CHST4: variants seen among roughly 807,000 people sequenced by gnomAD.
CHST4 encodes the protein carbohydrate sulfotransferase 4.
For missense variants in CHST4, 466 were observed against 506.0 expected, an observed-to-expected ratio of 0.92 and a Z score of 0.76; for synonymous variants, 171 against 195.5, an observed-to-expected ratio of 0.87 and a Z score of 1.05.
At chr16:71,534,493 G>T (rs1218370452) in intron 1 of CHST4, among the ~76,000 whole-genome samples, 2 of 151,820 alleles carry the variant, frequency 1.3e-5, no homozygotes, top group Non-Finnish European at 2.9e-5. Flanking sequence ...ACGTAGCTGG[G>T]ATTACAGGCA....
At chr16:71,532,791 C>T (rs964066919) in intron 1 of CHST4, among the ~76,000 whole-genome samples, 7 of 152,152 alleles carry the variant, frequency 4.6e-5, no homozygotes, top group South Asian at 2.1e-4. Flanking sequence ...ACATGTGTGA[C>T]GGTGTGTGAA....
intron 1 of CHST4, among the ~76,000 whole-genome samples, chr16:71,530,764 AC>A (rs1449458174): frequency 5.4e-5 from 8 of 146,936 alleles, no homozygotes; most frequent in Admixed American, 4.2e-4. Context: ...ACAGAGTGAG[AC>A]CCCCGACTCT....
rs1250825740 is a variant in CHST4 at position 71,537,026 on chromosome 16, C to A, written c.349C>A (p.Pro117Thr). ...SVFDAYMEPGPRRQSSLFQWE... is the reference protein window; with the variant it reads ...SVFDAYMEPGTRRQSSLFQWE... ...CTTTGATGCCTACATGGAACCTGGT[C>A]CCCGGAGACAGTCCAGCCTCTTTCA... is the stretch of plus-strand genomic sequence containing the variant. Residue 117 changes from proline to threonine, a missense_variant, in exon 2 of 2, where the codon CCC (proline) becomes ACC (threonine). Transcript: ENST00000539698. This position sits in a 1 kb window ranked among gnomAD's most constrained non-coding sequence, Gnocchi z 4.2. 1 of 1,614,088 alleles carries A rather than the reference C, an allele frequency of 6.2e-7. No individual in the cohort carries two copies. The highest frequency in any genetic ancestry group is 8.5e-7 in the Non-Finnish European group (1 of 1,179,994).
intron 1 of CHST4, among the ~76,000 whole-genome samples, chr16:71,532,027 C>T (rs374175491): frequency 1.3e-5 from 2 of 150,796 alleles, no homozygotes; most frequent in African/African-American, 4.9e-5. Context: ...GAACTAGCAG[C>T]ACATCTTAGC....
At chr16:71,528,489 G>A (rs1276687107) in intron 1 of CHST4, among the ~76,000 whole-genome samples, 7 of 152,092 alleles carry the variant, frequency 4.6e-5, no homozygotes, top group East Asian at 3.9e-4. Context: ...CAGCCCTGGC[G>A]GGACCCAGGT....
Position 71,538,322 on chromosome 16 carries a change from T to C in CHST4, c.*484T>C, listed in dbSNP as rs1372991380. The stretch of plus-strand genomic sequence containing the variant: ...GTGGGAACAAGGTTGGATGCCTACT[T>C]ATGAGCTTGACCATCACAGCTATCG... On this transcript the variant is annotated 3_prime_UTR_variant, in exon 2 of 2. Transcript: ENST00000539698. The C allele has an allele frequency of 2.3e-5, 4 of 171,866 alleles. No individual in the cohort carries two copies. The highest frequency in any genetic ancestry group is 9.6e-5 in the African/African-American group (4 of 41,544). 10.6% of individuals were successfully genotyped at this position (171,866 alleles called of 1,614,324 possible).
intron 1 of CHST4, among the ~76,000 whole-genome samples, chr16:71,533,454 C>T (rs946411107): frequency 6.9e-6 from 1 of 144,898 alleles, no homozygotes; most frequent in South Asian, 2.2e-4. Flanking sequence ...AAAAAAAAAA[C>T]GTAGTTGCTA....
Position 71,537,870 on chromosome 16 carries a change from G to A in CHST4, c.*32G>A, listed in dbSNP as rs897638234. The A allele has an allele frequency of 1.5e-5, 23 of 1,560,746 alleles. No homozygotes were observed. Among genetic ancestry groups the A allele is most frequent in the Non-Finnish European group, 2.0e-5 (23 of 1,151,720 alleles). The stretch of plus-strand genomic sequence containing the variant: ...TGAGAAGGCTTTGCTGCCACCTGGT[G>A]TCAGCCTCAGTCACTTTCTCTGAAT... On this transcript the variant is annotated 3_prime_UTR_variant, in exon 2 of 2. Transcript: ENST00000539698. This position sits in a 1 kb window ranked among gnomAD's most constrained non-coding sequence, Gnocchi z 4.2.
chr16:71,537,910 C>CT lies in CHST4; in HGVS notation c.*72_*73insT. On this transcript the variant is annotated 3_prime_UTR_variant, in exon 2 of 2. Coordinates refer to ENST00000539698, the MANE Select transcript of CHST4 (RefSeq NM_001166395.2). This position sits in a 1 kb window ranked among gnomAD's most constrained non-coding sequence, Gnocchi z 4.2. ...TTTCTCTGAATGCTTCTGAGCCTTGCCTACATCTCTGAGCCTTAACTACAT... is the reference window on the plus strand; with the variant it reads ...TTTCTCTGAATGCTTCTGAGCCTTGCTCTACATCTCTGAGCCTTAACTACAT... The CT allele has an allele frequency of 7.2e-7, 1 of 1,387,460 alleles. No homozygotes were observed. The highest frequency in any genetic ancestry group is 9.9e-7 in the Non-Finnish European group (1 of 1,008,636). The allele number at this position is 1,387,460 out of a possible 1,614,324, so 85.9% of individuals were successfully genotyped here.
chr16:71,526,264 C>G (rs1238231349), upstream of CHST4: 1 of 152,236 alleles, frequency 6.6e-6, no homozygotes, highest in Admixed American at 6.5e-5. Context: ...AAAGCTGTTA[C>G]TTTCACAGCT....
chr16:71,537,522 C>T lies in CHST4; in HGVS notation c.845C>T (p.Ala282Val). ...GTGCGCTATGAGGACCTGGCTCGAG[C>T]CCCTGTGGCCCAGACTTCCCGAATG... Reference protein sequence around the residue: ...LLVRYEDLARAPVAQTSRMYE... With the variant: ...LLVRYEDLARVPVAQTSRMYE... Residue 282 changes from alanine to valine, a missense_variant, in exon 2 of 2, where the codon GCC becomes GTC. Physicochemically the swap from Ala to Val is moderately conservative, Grantham distance 64. Transcript: ENST00000539698. This position sits in a 1 kb window ranked among gnomAD's most constrained non-coding sequence, Gnocchi z 4.2. 1.9e-6 allele frequency: 3 copies of T among 1,614,164 alleles called. No homozygotes were observed. The highest frequency in any genetic ancestry group is 2.5e-6 in the Non-Finnish European group (3 of 1,180,026).
At position 71,537,068 on chromosome 16, in the gene CHST4, G is replaced by A; in HGVS notation, c.391G>A (p.Ala131Thr). The change falls in exon 2 of 2, where the codon GCC becomes ACC. Residue 131 changes from alanine to threonine, a missense_variant. Ala to Thr is a moderately conservative substitution (Grantham distance 58). Coordinates refer to ENST00000539698, the MANE Select transcript of CHST4 (RefSeq NM_001166395.2). The surrounding 1 kb of genome is among the most constrained non-coding windows in gnomAD (Gnocchi z 4.2). ...SSLFQWENSR[A>T]LCSAPACDII... ...CCTCTTTCAGTGGGAGAACAGCCGG[G>A]CCCTGTGTTCTGCACCTGCCTGTGA... is the stretch of plus-strand genomic sequence containing the variant. 1 of 1,614,164 alleles carries A rather than the reference G, an allele frequency of 6.2e-7. No individual in the cohort carries two copies. Among genetic ancestry groups the A allele is most frequent in the Non-Finnish European group, 8.5e-7 (1 of 1,180,036 alleles).
Position 71,537,730 on chromosome 16 carries a change from C to A in CHST4, c.1053C>A (p.Gly351=), listed in dbSNP as rs1209201255. 1 of 1,614,180 alleles carries A rather than the reference C, an allele frequency of 6.2e-7. No homozygotes were observed. The change falls in exon 2 of 2, where the codon GGC becomes GGA. Residue 351 remains glycine, a synonymous_variant. Coordinates refer to ENST00000539698, the MANE Select transcript of CHST4 (RefSeq NM_001166395.2). This position sits in a 1 kb window ranked among gnomAD's most constrained non-coding sequence, Gnocchi z 4.2. ...TTTCTCGACTTCAGAAAGCCTGTGGCGATGCCATGAATTTGCTGGGCTACC... is the reference window on the plus strand; with the variant it reads ...TTTCTCGACTTCAGAAAGCCTGTGGAGATGCCATGAATTTGCTGGGCTACC... The part of the protein sequence containing the change: ...EKVSRLQKAC[G]DAMNLLGYRH...
intron 1 of CHST4, among the ~76,000 whole-genome samples, chr16:71,527,473 G>A (rs1238545969): frequency 5.3e-5 from 8 of 152,206 alleles, no homozygotes; most frequent in African/African-American, 1.4e-4. Context: ...CTAGCCAGGC[G>A]CGATGGCTCG....
At chr16:71,535,877 A>G (rs1020461318) in intron 1 of CHST4, among the ~76,000 whole-genome samples, 2 of 152,228 alleles carry the variant, frequency 1.3e-5, no homozygotes, top group Non-Finnish European at 2.9e-5. Context: ...GTCCCATGGG[A>G]TGACACCAAA....
intron 1 of CHST4, among the ~76,000 whole-genome samples, chr16:71,532,725 A>G (rs567834006): frequency 4.7e-4 from 71 of 152,330 alleles, no homozygotes; most frequent in Non-Finnish European, 9.1e-4. Context: ...CCCTGGACGT[A>G]GAGAATAGTT....
Position 71,537,722 on chromosome 16 carries a change from G to T in CHST4, c.1045G>T (p.Ala349Ser). 1 of 1,614,248 alleles carries T rather than the reference G, an allele frequency of 6.2e-7. No homozygotes were observed. The highest frequency in any genetic ancestry group is 1.1e-5 in the South Asian group (1 of 91,088). ...PYEKVSRLQK[A>S]CGDAMNLLGY... Reference sequence around the variant, plus strand: ...TGAAAAGGTTTCTCGACTTCAGAAAGCCTGTGGCGATGCCATGAATTTGCT... The same window carrying T: ...TGAAAAGGTTTCTCGACTTCAGAAATCCTGTGGCGATGCCATGAATTTGCT... The change falls in exon 2 of 2, where the codon GCC becomes TCC. Residue 349 changes from alanine (A) to serine (S), a missense_variant. Ala to Ser is a moderately conservative substitution (Grantham distance 99). Coordinates refer to ENST00000539698, the MANE Select transcript of CHST4 (RefSeq NM_001166395.2). This position sits in a 1 kb window ranked among gnomAD's most constrained non-coding sequence, Gnocchi z 4.2.
At chr16:71,534,040 C>CAA (rs573885766) in intron 1 of CHST4, among the ~76,000 whole-genome samples, 17 of 86,356 alleles carry the variant, frequency 2.0e-4, no homozygotes, top group African/African-American at 3.9e-4. Context: ...GACCCCATCT[C>CAA]AAAAAAAAAA....
At chr16:71,532,241 G>T (rs560894980) in intron 1 of CHST4, among the ~76,000 whole-genome samples, 2 of 152,106 alleles carry the variant, frequency 1.3e-5, no homozygotes, top group African/African-American at 4.8e-5. Flanking sequence ...TAGAGACGGG[G>T]TTTCACCGTG....
Sources: allele counts gnomAD v4.1 joint callset (sites outside exome capture counted in the v4.1 genomes callset), GRCh38; gene constraint gnomAD v4.1.1; non-coding constraint Gnocchi (gnomAD v3.1); transcripts MANE v1.5; gene names NCBI Gene and HGNC (gene_info 2026-07-23, HGNC 2026-07-21).